Variants in PIAS2 observed in about 807,000 individuals in gnomAD.
PIAS2 encodes the protein protein inhibitor of activated STAT 2, also known as E3 SUMO-protein ligase PIAS2.
PIAS2 carries 19 observed loss-of-function variants against 69.7 expected under a neutral mutation model. That is an observed-to-expected ratio of 0.27 (90% CI 0.19 to 0.40). The LOEUF (loss-of-function observed/expected upper bound fraction) is 0.40, where lower values mean the gene tolerates loss of function less well. Among genes scored for constraint, PIAS2 ranks in the 10% least tolerant of loss-of-function variants. PIAS2 has a pLI of 1.00. For synonymous variants in PIAS2, 261 were observed against 263.2 expected (o/e 0.99, Z 0.08); for missense variants, 624 against 757.0 (o/e 0.82, Z 2.06).
At chr18:46,888,508 G>A (rs993248170) in intron 2 of PIAS2, among the ~76,000 whole-genome samples, 2 of 152,070 alleles carry the variant, frequency 1.3e-5, no homozygotes, top group African/African-American at 4.8e-5. Context: ...ACATAGCTAC[G>A]GTAATCAAAA....
chr18:46,850,723 A>G (rs1158844538), intron 5 of PIAS2, among the ~76,000 whole-genome samples: 1 of 152,174 alleles, frequency 6.6e-6, no homozygotes, highest in Non-Finnish European at 1.5e-5. Context: ...GTTCCCCGTC[A>G]AGCTTCGGCA....
intron 1 of PIAS2, 190 bp from the exon 2 acceptor site, chr18:46,891,244 C>T (rs577139481): frequency 1.1e-4 from 78 of 684,696 alleles, no homozygotes; most frequent in Non-Finnish European, 1.7e-4. Flanking sequence ...ATTCAAGTTA[C>T]GGTGTTAATT....
Position 46,817,618 on chromosome 18 carries a change from T to C in PIAS2, c.1649-2269A>G, listed in dbSNP as rs1051877088. 2.9e-5 allele frequency: 28 copies of C among 957,910 alleles called. No homozygotes were observed. In the African/African-American group the frequency reaches 4.1e-4, roughly 14 times the overall value. 59.3% of individuals were successfully genotyped at this position (957,910 alleles called of 1,614,324 possible). ...ACGGAAAATTGAATGTGGTGACTTA[T>C]ACAACACCATAATAAAATACCTAGA... On this transcript the variant is annotated intron_variant, in intron 12 of 13. Transcript: ENST00000585916.
At chr18:46,912,153 T>C (rs2057339073) in intron 1 of PIAS2, among the ~76,000 whole-genome samples, 1 of 152,154 alleles carries the variant, frequency 6.6e-6, no homozygotes, top group African/African-American at 2.4e-5. Flanking sequence ...ATCGGTGTTA[T>C]ATCTTTTTCT....
At chr18:46,910,734 C>T (rs968991398) in intron 1 of PIAS2, among the ~76,000 whole-genome samples, 2 of 152,178 alleles carry the variant, frequency 1.3e-5, no homozygotes, top group Non-Finnish European at 1.5e-5. Flanking sequence ...CAATCTTCTA[C>T]AGGAGAATAA....
chr18:46,888,369 T>C (rs915460135), intron 2 of PIAS2, among the ~76,000 whole-genome samples: 1 of 152,018 alleles, frequency 6.6e-6, no homozygotes, highest in Non-Finnish European at 1.5e-5. Flanking sequence ...CCCAATTTTT[T>C]TTTTTTATCA....
intron 6 of PIAS2, 48 bp from the exon 7 acceptor site, chr18:46,844,887 C>A: frequency 1.4e-6 from 1 of 713,942 alleles, no homozygotes; most frequent in Non-Finnish European, 2.2e-6. Flanking sequence ...AGATAATATT[C>A]TCTTTGTTTA....
intron 3 of PIAS2, among the ~76,000 whole-genome samples, chr18:46,863,804 T>C (rs1363880851): frequency 1.3e-5 from 2 of 152,182 alleles, no homozygotes; most frequent in Non-Finnish European, 2.9e-5. Context: ...AATTTATACG[T>C]TGAAGTCCTA....
chr18:46,815,942 G>A (rs1393397496), intron 12 of PIAS2: 2 of 985,272 alleles, frequency 2.0e-6, no homozygotes, highest in African/African-American at 3.5e-5. Context: ...CTGAACCAGA[G>A]AACTGTAATT....
At chr18:46,816,733 G>A in intron 12 of PIAS2, 1 of 912,654 alleles carries the variant, frequency 1.1e-6, no homozygotes. Context: ...CTCCCAAAGT[G>A]CTGGGATTAC....
chr18:46,859,427 CAAAAAAA>C (rs55776913), intron 3 of PIAS2, among the ~76,000 whole-genome samples: 6 of 89,544 alleles, frequency 6.7e-5, no homozygotes, highest in African/African-American at 5.1e-5. Flanking sequence ...GACTCCGTCT[CAAAAAAA>C]AAAAAAAAAA....
At chr18:46,847,466 T>C (rs1364180448) in intron 5 of PIAS2, among the ~76,000 whole-genome samples, 7 of 152,018 alleles carry the variant, frequency 4.6e-5, no homozygotes, top group Non-Finnish European at 8.8e-5. Context: ...TCTACTTTTA[T>C]GTAGTCATCA....
intron 10 of PIAS2, among the ~76,000 whole-genome samples, chr18:46,829,225 T>C (rs913237826): frequency 3.9e-5 from 6 of 152,216 alleles, no homozygotes; most frequent in Non-Finnish European, 7.3e-5. Context: ...AGGCAGTTGA[T>C]GGATGAGTAT....
At chr18:46,868,370 C>T (rs1229007792) in intron 2 of PIAS2, among the ~76,000 whole-genome samples, 1 of 152,182 alleles carries the variant, frequency 6.6e-6, no homozygotes, top group Non-Finnish European at 1.5e-5. Context: ...CTCTTTACTC[C>T]TGGCTACCCA....
intron 1 of PIAS2, chr18:46,908,139 T>C (rs1278588475): frequency 1.3e-5 from 2 of 152,126 alleles, no homozygotes; most frequent in African/African-American, 2.4e-5. Flanking sequence ...TTTTTTATTA[T>C]AAAAAATATT....
intron 2 of PIAS2, among the ~76,000 whole-genome samples, chr18:46,885,126 T>C (rs1466921618): frequency 6.6e-6 from 1 of 152,160 alleles, no homozygotes; most frequent in Non-Finnish European, 1.5e-5. Context: ...ACCACAATTT[T>C]TCACTTCAAG....
chr18:46,816,348 CTT>C, intron 12 of PIAS2: 1 of 963,826 alleles, frequency 1.0e-6, no homozygotes, highest in Non-Finnish European at 1.2e-6. Flanking sequence ...TATTTATTCT[CTT>C]ATAATCTCCA....
chr18:46,834,966 T>C (rs898757578), intron 9 of PIAS2, among the ~76,000 whole-genome samples: 2 of 152,228 alleles, frequency 1.3e-5, no homozygotes, highest in African/African-American at 4.8e-5. Context: ...TTTCTATTTC[T>C]AAGAACTTGA....
chr18:46,836,244 T>C, intron 9 of PIAS2, 113 bp downstream of exon 9: 1 of 784,774 alleles, frequency 1.3e-6, no homozygotes, highest in East Asian at 2.5e-5. Flanking sequence ...ACATCTGGAT[T>C]TATGCTAGAG....
Sources: allele counts gnomAD v4.1 joint callset (sites outside exome capture counted in the v4.1 genomes callset), GRCh38; gene constraint gnomAD v4.1.1; transcripts MANE v1.5; gene names NCBI Gene and HGNC (gene_info 2026-07-23, HGNC 2026-07-21).